Variants in ERBB4 observed in about 807,000 individuals in gnomAD.
The protein encoded by ERBB4 is erb-b2 receptor tyrosine kinase 4.
ERBB4 carries 42 observed loss-of-function variants against 158.0 expected under a neutral mutation model. That is an observed-to-expected ratio of 0.27 (90% CI 0.21 to 0.34). The LOEUF (loss-of-function observed/expected upper bound fraction) is 0.34. ERBB4 is among the 10% of genes least tolerant of loss of function. The probability of loss-of-function intolerance (pLI) is 1.00; values close to 1 mark genes in which losing one functional copy is unlikely to be tolerated. For synonymous variants in ERBB4, 583 were observed against 558.7 expected (o/e 1.04, Z -0.61); for missense variants, 1,333 against 1,624.1 (o/e 0.82, Z 3.08).
At chr2:212,267,783 T>C (rs970420409) in intron 1 of ERBB4, among the ~76,000 whole-genome samples, 20 of 150,550 alleles carry the variant, frequency 1.3e-4, no homozygotes, top group African/African-American at 4.9e-4. Flanking sequence ...CGGTGTGTGA[T>C]GTTCCCCTTC....
intron 1 of ERBB4, among the ~76,000 whole-genome samples, chr2:212,527,326 A>T (rs992275584): frequency 6.6e-6 from 1 of 152,162 alleles, no homozygotes; most frequent in Non-Finnish European, 1.5e-5. Flanking sequence ...ACACTACGTA[A>T]TATTAGGTTG....
In ERBB4 at chr2:211,665,601, G is replaced by A; in HGVS notation, c.1717-124C>T. 3 of 898,006 alleles carry A rather than the reference G, an allele frequency of 3.3e-6. No individual in the cohort carries two copies. In the South Asian group the frequency reaches 4.3e-5, roughly 13 times the overall value. The allele number at this position is 898,006 out of a possible 1,614,324, so 55.6% of individuals were successfully genotyped here. A position where few individuals can be genotyped will look rare whatever the true frequency, so the allele number is the denominator to read the frequency against. On this transcript the variant is annotated intron_variant, in intron 14 of 27. Transcript: ENST00000342788. ...CAAATCTTCCTCTAAGAGAATTGGA[G>A]AACATTTTCAGCAGTGCAAATGTGG... is the stretch of plus-strand genomic sequence containing the variant.
intron 16 of ERBB4, among the ~76,000 whole-genome samples, chr2:211,635,158 T>C (rs2070311947): frequency 6.6e-6 from 1 of 152,178 alleles, no homozygotes. Flanking sequence ...CCCTAAAGTA[T>C]AAATTTCTAA....
At chr2:212,118,713 GT>G (rs74517317) in intron 2 of ERBB4, among the ~76,000 whole-genome samples, 11,508 of 151,604 alleles carry the variant, frequency 0.076, 775 homozygotes, top group African/African-American at 0.18. Flanking sequence ...TTTCTCCAAA[GT>G]TTTTTTAAAA....
At chr2:212,128,457 C>A (rs1338249774) in intron 1 of ERBB4, among the ~76,000 whole-genome samples, 2 of 152,090 alleles carry the variant, frequency 1.3e-5, no homozygotes, top group African/African-American at 4.8e-5. Flanking sequence ...GATGTCATGG[C>A]TAAAATATGA....
intron 19 of ERBB4, among the ~76,000 whole-genome samples, chr2:211,567,329 C>T (rs1265122344): frequency 1.3e-5 from 2 of 152,192 alleles, no homozygotes; most frequent in African/African-American, 4.8e-5. Flanking sequence ...CCAAGCACCT[C>T]ACATTAGCCC....
chr2:211,555,437 G>A (rs537488133), intron 20 of ERBB4, among the ~76,000 whole-genome samples: 14 of 152,144 alleles, frequency 9.2e-5, no homozygotes, highest in Non-Finnish European at 1.6e-4. Flanking sequence ...CATCCGCCTC[G>A]GCCTCCCAAA....
chr2:211,385,470 G>A (rs16846013), intron 27 of ERBB4, among the ~76,000 whole-genome samples: 29,858 of 151,992 alleles, frequency 0.2, 3,333 homozygotes, highest in South Asian at 0.41. Context: ...TGCAGGAGTT[G>A]GGTGAACTTT....
At chr2:212,503,586 A>G (rs887052281) in intron 1 of ERBB4, among the ~76,000 whole-genome samples, 1 of 152,226 alleles carries the variant, frequency 6.6e-6, no homozygotes, top group African/African-American at 2.4e-5. Flanking sequence ...TGATGCATAT[A>G]ATACTTTAAA....
chr2:211,702,883 A>G (rs2073303751), intron 11 of ERBB4, among the ~76,000 whole-genome samples: 1 of 152,130 alleles, frequency 6.6e-6, no homozygotes, highest in Admixed American at 6.5e-5. Flanking sequence ...TGAAAAATCG[A>G]GGAAACTACT....
intron 1 of ERBB4, among the ~76,000 whole-genome samples, chr2:212,525,948 G>T (rs1692423335): frequency 6.6e-6 from 1 of 151,946 alleles, no homozygotes; most frequent in African/African-American, 2.4e-5. Context: ...AAATGTCCTT[G>T]AAACAAAGCT....
At chr2:211,807,459 C>T (rs988671703) in intron 3 of ERBB4, among the ~76,000 whole-genome samples, 3 of 152,192 alleles carry the variant, frequency 2.0e-5, no homozygotes, top group African/African-American at 4.8e-5. Flanking sequence ...CATGTCCCTA[C>T]AAAGGACGTG....
chr2:212,141,703 C>A (rs542006302), intron 1 of ERBB4, among the ~76,000 whole-genome samples: 132 of 152,098 alleles, frequency 8.7e-4, no homozygotes, highest in Non-Finnish European at 1.6e-3. Context: ...AAACCATATG[C>A]AAATCCATCA....
At chr2:211,408,750 A>T (rs1192205355) in intron 25 of ERBB4, among the ~76,000 whole-genome samples, 1 of 152,204 alleles carries the variant, frequency 6.6e-6, no homozygotes, top group African/African-American at 2.4e-5. Context: ...CAAGCTCTTA[A>T]CCAAGTTACT....
At chr2:211,571,601 A>T (rs1009064745) in intron 19 of ERBB4, among the ~76,000 whole-genome samples, 2 of 152,168 alleles carry the variant, frequency 1.3e-5, no homozygotes, top group African/African-American at 4.8e-5. Flanking sequence ...ATACAAAACC[A>T]TGTTATAACA....
intron 20 of ERBB4, among the ~76,000 whole-genome samples, chr2:211,523,187 A>T (rs1035556160): frequency 7.2e-6 from 1 of 138,032 alleles, no homozygotes; most frequent in African/African-American, 2.7e-5. Flanking sequence ...CCTTCACAAG[A>T]ACCAAAAATC....
intron 3 of ERBB4, among the ~76,000 whole-genome samples, chr2:211,810,697 G>C (rs1245310635): frequency 2.2e-4 from 27 of 120,334 alleles, no homozygotes; most frequent in Non-Finnish European, 3.2e-5. Context: ...ACGGAGTCTC[G>C]CTCTGTCGCC....
At chr2:212,093,171 T>C (rs1252206236) in intron 2 of ERBB4, among the ~76,000 whole-genome samples, 1 of 152,154 alleles carries the variant, frequency 6.6e-6, no homozygotes, top group African/African-American at 2.4e-5. Flanking sequence ...TCAGAGGATA[T>C]AGGCGAGCAC....
At chr2:211,716,447 T>C (rs1260070768) in intron 7 of ERBB4, among the ~76,000 whole-genome samples, 9 of 133,918 alleles carry the variant, frequency 6.7e-5, no homozygotes, top group Admixed American at 2.3e-4. Context: ...GAGGCCAAGG[T>C]GGGCGGATCA....
Sources: gnomAD v4.1 joint callset for allele counts (sites outside exome capture counted in the v4.1 genomes callset) on GRCh38, gnomAD v4.1.1 for gene constraint, MANE v1.5 for transcripts, NCBI Gene and HGNC (gene_info 2026-07-23, HGNC 2026-07-21) for gene names.